The following L2HGDH variants were observed in gnomAD, a reference collection of about 807,000 sequenced individuals.
L2HGDH encodes L-2-hydroxyglutarate dehydrogenase, mitochondrial.
In L2HGDH, 34 loss-of-function variants were observed where a neutral mutation model predicts 51.5. That is an observed-to-expected ratio of 0.66 (90% CI 0.50 to 0.88). The LOEUF (loss-of-function observed/expected upper bound fraction) is 0.88, where lower values mean the gene tolerates loss of function less well. Among genes scored for constraint, L2HGDH ranks in the 40% least tolerant of loss-of-function variants. L2HGDH has a pLI of 0.00. For synonymous variants in L2HGDH, 198 were observed against 197.9 expected (o/e 1.00, Z -0.01); for missense variants, 558 against 571.9 (o/e 0.98, Z 0.25).
chr14:50,292,722 T>C (rs559733359), intron 4 of L2HGDH, among the ~76,000 whole-genome samples: 2 of 150,746 alleles, frequency 1.3e-5, no homozygotes, highest in South Asian at 2.1e-4. Flanking sequence ...AATAAATAAA[T>C]AAAAATACAA....
intron 9 of L2HGDH, 63 bp downstream of exon 9, chr14:50,265,295 G>A: frequency 6.9e-7 from 1 of 1,444,394 alleles, no homozygotes; most frequent in Admixed American, 1.7e-5. Flanking sequence ...CACCAAGTCA[G>A]ACCCACCTCT....
At chr14:50,270,869 T>G (rs755367357) in intron 6 of L2HGDH, among the ~76,000 whole-genome samples, 4 of 152,172 alleles carry the variant, frequency 2.6e-5, no homozygotes, top group Non-Finnish European at 5.9e-5. Context: ...ATCCTATTTT[T>G]GCCCTTGCTA....
rs1261502492 is a variant in L2HGDH, at chr14:50,247,054, T to C, written c.*4A>G. The stretch of plus-strand genomic sequence containing the variant: ...TACAGTGCATACCTAGCTCCTTTCA[T>C]TATTTATAATTCAAATCTTTGTTGT... On this transcript the variant is annotated 3_prime_UTR_variant, in exon 10 of 10. Coordinates refer to ENST00000267436, the MANE Select transcript of L2HGDH (RefSeq NM_024884.3). The C allele has an allele frequency of 1.9e-6, 3 of 1,612,436 alleles. No individual in the cohort carries two copies. The highest frequency in any genetic ancestry group is 1.7e-5 in the Admixed American group (1 of 60,004).
intron 9 of L2HGDH, among the ~76,000 whole-genome samples, chr14:50,259,431 G>A (rs140237759): frequency 8.2e-6 from 1 of 122,132 alleles, no homozygotes; most frequent in Non-Finnish European, 1.6e-5. Context: ...TCACTATGTT[G>A]CCAAGGCTGC....
chr14:50,277,698 G>C (rs571995303), intron 6 of L2HGDH, among the ~76,000 whole-genome samples: 1 of 151,446 alleles, frequency 6.6e-6, no homozygotes, highest in African/African-American at 2.4e-5. Flanking sequence ...GTGTGCACCC[G>C]AGAGGCGGAG....
At chr14:50,256,762 T>C (rs978333264) in intron 9 of L2HGDH, among the ~76,000 whole-genome samples, 11 of 152,198 alleles carry the variant, frequency 7.2e-5, no homozygotes, top group African/African-American at 1.9e-4. Flanking sequence ...TCTATTTCCA[T>C]CTTGTATTTA....
In L2HGDH at chr14:50,289,154, C is replaced by T. The variant is rs552610862; in HGVS notation, c.540+4961G>A. The stretch of plus-strand genomic sequence containing the variant: ...TAATTTTAATACTAGCATTTTTTTT[C>T]CTTGAAGCATAACATCAGTCTAAAC... On this transcript the variant is annotated intron_variant, in intron 4 of 9. Transcript: ENST00000267436. 5.9e-5 allele frequency among the ~76,000 whole-genome samples: 9 copies of T among 151,934 alleles called. No homozygotes were observed. In the South Asian group the frequency reaches 1.9e-3, roughly 31 times the overall value.
chr14:50,266,143 CAA>C (rs34597714), intron 8 of L2HGDH, among the ~76,000 whole-genome samples: 11 of 136,880 alleles, frequency 8.0e-5, no homozygotes, highest in African/African-American at 1.1e-4. Flanking sequence ...AACTTTGACT[CAA>C]AAAAAAAAAA....
At chr14:50,286,714 T>C (rs1182309914) in intron 4 of L2HGDH, among the ~76,000 whole-genome samples, 1 of 152,200 alleles carries the variant, frequency 6.6e-6, no homozygotes, top group African/African-American at 2.4e-5. Flanking sequence ...TATATATCAC[T>C]TCTGTGGAGG....
At chr14:50,275,050 T>C (rs1381256652) in intron 6 of L2HGDH, among the ~76,000 whole-genome samples, 1 of 152,164 alleles carries the variant, frequency 6.6e-6, no homozygotes. Context: ...AGAAATCTAA[T>C]ATACAGCATG....
At chr14:50,301,219 G>C (rs531673272) in intron 3 of L2HGDH, among the ~76,000 whole-genome samples, 1 of 152,142 alleles carries the variant, frequency 6.6e-6, no homozygotes, top group African/African-American at 2.4e-5. Flanking sequence ...ATTAATTACT[G>C]GTGGGAATGT....
chr14:50,263,697 A>T (rs1889173819), intron 9 of L2HGDH, among the ~76,000 whole-genome samples: 1 of 152,004 alleles, frequency 6.6e-6, no homozygotes, highest in South Asian at 2.1e-4. Flanking sequence ...CACTAAAAAC[A>T]TTACCAAAGA....
At position 50,246,998 on chromosome 14, in the gene L2HGDH, A is replaced by G. The variant is rs1204403141; in HGVS notation, c.*60T>C. ...ACCATTTTTTAAATTAAAGAATGCAATTAGTACATTCTTGTTGCTGACATG... is the reference window on the plus strand; with the variant it reads ...ACCATTTTTTAAATTAAAGAATGCAGTTAGTACATTCTTGTTGCTGACATG... On this transcript the variant is annotated 3_prime_UTR_variant, in exon 10 of 10. Coordinates refer to ENST00000267436, the MANE Select transcript of L2HGDH (RefSeq NM_024884.3). 6.4e-7 allele frequency: 1 copy of G among 1,562,794 alleles called. No individual in the cohort carries two copies. Among genetic ancestry groups the G allele is most frequent in the African/African-American group, 1.4e-5 (1 of 73,676 alleles).
At chr14:50,294,328 C>T in intron 3 of L2HGDH, 82 bp from the exon 4 acceptor site, 2 of 1,430,058 alleles carry the variant, frequency 1.4e-6, no homozygotes, top group Non-Finnish European at 1.9e-6. Context: ...GGAAAATCAT[C>T]AACTATTGTA....
At position 50,308,756 on chromosome 14, in the gene L2HGDH, G is replaced by C. The variant is rs542401178; in HGVS notation, c.140+3255C>G. Among the ~76,000 whole-genome samples the C allele has an allele frequency of 2.0e-5, 3 of 152,198 alleles. No individual in the cohort carries two copies. In the East Asian group the frequency reaches 5.8e-4, roughly 29 times the overall value. On this transcript the variant is annotated intron_variant, in intron 1 of 9. Transcript: ENST00000267436. The stretch of plus-strand genomic sequence containing the variant: ...TACATGACTCAGTAACTGCAGTCTT[G>C]GGCATTTATTCCAGAGAAATGAAAC...
At chr14:50,266,200 G>A (rs1048885798) in intron 8 of L2HGDH, among the ~76,000 whole-genome samples, 6 of 151,884 alleles carry the variant, frequency 4.0e-5, no homozygotes, top group Non-Finnish European at 8.8e-5. Flanking sequence ...CCCAAGGAGT[G>A]CTGGTTTCAA....
intron 9 of L2HGDH, among the ~76,000 whole-genome samples, chr14:50,257,830 T>C (rs1475515782): frequency 6.6e-6 from 1 of 151,518 alleles, no homozygotes; most frequent in African/African-American, 2.4e-5. Context: ...CAGTTTCTAT[T>C]ATTACTATTA....
chr14:50,284,078 T>C lies in L2HGDH; in HGVS notation c.541-45A>G, dbSNP rs537859027. 6.4e-6 allele frequency: 10 copies of C among 1,563,264 alleles called. No individual in the cohort carries two copies. In the South Asian group the frequency reaches 6.7e-5, roughly 10 times the overall value. On this transcript the variant is annotated intron_variant, in intron 4 of 9. Transcript: ENST00000267436. ...AGATAACAGATAAGAGAAATAATAC[T>C]TGCTAAATAACAAAATCTCTATAAT... is the stretch of plus-strand genomic sequence containing the variant.
In L2HGDH at chr14:50,269,244, ATC is replaced by A; in HGVS notation, c.823_824del (p.Asp275SerfsTer31). ...RISELSGCTPDPRIVPFRGDY... is the reference protein window; with the variant it reads ...RISELSGCTPXPRIVPFRGDY... ...CTCCCCGGAATGGTACAATTCGAGG[ATC>A]AGGAGTGCAGCCACTCAACTCTGAA... On this transcript the variant is annotated frameshift_variant, in exon 7 of 10. Transcript: ENST00000267436. LOFTEE classifies it high-confidence loss of function. 1 of 1,614,002 alleles carries A rather than the reference ATC, an allele frequency of 6.2e-7. No individual in the cohort carries two copies. Among genetic ancestry groups the A allele is most frequent in the Non-Finnish European group, 8.5e-7 (1 of 1,179,910 alleles).
Sources: allele counts gnomAD v4.1 joint callset (sites outside exome capture counted in the v4.1 genomes callset), GRCh38; gene constraint gnomAD v4.1.1; transcripts MANE v1.5; gene names NCBI Gene and HGNC (gene_info 2026-07-23, HGNC 2026-07-21).